The following KCNB2 variants were observed in gnomAD, a reference collection of about 807,000 sequenced individuals.
KCNB2 encodes delayed rectifier potassium channel protein.
KCNB2 carries 15 observed loss-of-function variants against 61.5 expected under a neutral mutation model. The ratio of observed to expected loss-of-function variants is 0.24; its 90% CI spans 0.16 to 0.38. KCNB2 has a LOEUF of 0.38. Among genes scored for constraint, KCNB2 ranks in the 10% least tolerant of loss-of-function variants. The pLI, the probability that KCNB2 is intolerant of heterozygous loss-of-function variation, is 1.00. For synonymous variants in KCNB2, 457 were observed against 446.0 expected, an observed-to-expected ratio of 1.02 and a Z score of -0.31; for missense variants, 828 against 1,125.2, an observed-to-expected ratio of 0.74 and a Z score of 3.78.
At chr8:72,599,684 T>C (rs2128982330) in intron 2 of KCNB2, among the ~76,000 whole-genome samples, 1 of 152,266 alleles carries the variant, frequency 6.6e-6, no homozygotes, top group East Asian at 1.9e-4. Flanking sequence ...AGAAAATTTT[T>C]GCAACCTCCT....
intron 2 of KCNB2, among the ~76,000 whole-genome samples, chr8:72,826,543 T>C (rs564099124): frequency 5.3e-5 from 8 of 152,220 alleles, no homozygotes; most frequent in South Asian, 2.1e-4. Flanking sequence ...TAAAAGGAAA[T>C]AGGTTTAAAT....
At chr8:72,755,966 C>T (rs1808283618) in intron 2 of KCNB2, among the ~76,000 whole-genome samples, 1 of 152,174 alleles carries the variant, frequency 6.6e-6, no homozygotes, top group Admixed American at 6.5e-5. Flanking sequence ...CTTGGGAAAG[C>T]TGGCTCCTGT....
At chr8:72,920,465 C>CTATATATATATATATATA (rs1261158124) in intron 2 of KCNB2, among the ~76,000 whole-genome samples, 2 of 71,102 alleles carry the variant, frequency 2.8e-5, no homozygotes, top group African/African-American at 5.9e-5. Context: ...ATCTATCTAT[C>CTATATATATATATATATA]TATCTATCTA....
chr8:72,823,958 C>T (rs1479308884), intron 2 of KCNB2, among the ~76,000 whole-genome samples: 1 of 152,098 alleles, frequency 6.6e-6, no homozygotes, highest in East Asian at 1.9e-4. Flanking sequence ...AGCTGGTATA[C>T]CCAACAAGCA....
chr8:72,759,460 T>G (rs1397718369), intron 2 of KCNB2, among the ~76,000 whole-genome samples: 1 of 152,134 alleles, frequency 6.6e-6, no homozygotes, highest in Non-Finnish European at 1.5e-5. Flanking sequence ...GAATTAAAAT[T>G]TGGTTCTCTG....
At chr8:72,725,592 T>C (rs1807631572) in intron 2 of KCNB2, among the ~76,000 whole-genome samples, 1 of 22,842 alleles carries the variant, frequency 4.4e-5, no homozygotes, top group Middle Eastern at 0.016. Context: ...TATATGTATG[T>C]ATATATATAT....
intron 2 of KCNB2, among the ~76,000 whole-genome samples, chr8:72,615,852 T>G (rs1030132689): frequency 1.3e-5 from 2 of 152,246 alleles, no homozygotes; most frequent in African/African-American, 4.8e-5. Context: ...AACAGATTCA[T>G]TCTCAGTAGA....
rs181878528 is a variant in KCNB2, at chr8:72,911,019, C to T, written c.580-24916C>T. ...AGAGGAGACTTCTTGAATACACCATCCAAGTATAATGTGTTTATTCTGTTC... is the reference window on the plus strand; with the variant it reads ...AGAGGAGACTTCTTGAATACACCATTCAAGTATAATGTGTTTATTCTGTTC... On this transcript the variant is annotated intron_variant, in intron 2 of 2. Transcript: ENST00000523207. Among the ~76,000 whole-genome samples, 13 of 152,208 alleles carry T rather than the reference C, an allele frequency of 8.5e-5. No individual in the cohort carries two copies. In the East Asian group the frequency reaches 2.5e-3, roughly 29 times the overall value.
intron 2 of KCNB2, among the ~76,000 whole-genome samples, chr8:72,721,264 G>T (rs185307750): frequency 6.6e-6 from 1 of 152,324 alleles, no homozygotes; most frequent in African/African-American, 2.4e-5. Flanking sequence ...CTCAAGCCCA[G>T]CCCACATACA....
intron 2 of KCNB2, among the ~76,000 whole-genome samples, chr8:72,860,991 A>G (rs146396943): frequency 3.6e-4 from 55 of 152,352 alleles, no homozygotes; most frequent in African/African-American, 1.2e-3. Context: ...TATAAAGCAT[A>G]CTGTAGCTTC....
At chr8:72,691,572 A>G (rs1469274108) in intron 2 of KCNB2, among the ~76,000 whole-genome samples, 1 of 152,230 alleles carries the variant, frequency 6.6e-6, no homozygotes, top group Non-Finnish European at 1.5e-5. Context: ...ACACATTGCA[A>G]CTACAAGTGT....
At chr8:72,556,095 C>G (rs1344342974) in intron 1 of KCNB2, among the ~76,000 whole-genome samples, 3 of 152,058 alleles carry the variant, frequency 2.0e-5, no homozygotes, top group Admixed American at 2.0e-4. Context: ...GTACAAGTCA[C>G]GTGAACTCAG....
intron 1 of KCNB2, among the ~76,000 whole-genome samples, chr8:72,553,400 T>C (rs1426444797): frequency 2.6e-5 from 4 of 151,924 alleles, no homozygotes; most frequent in African/African-American, 9.7e-5. Context: ...AAGGCAAAAA[T>C]CTGAAATATC....
intron 2 of KCNB2, among the ~76,000 whole-genome samples, chr8:72,734,067 CT>C (rs1455294107): frequency 6.6e-6 from 1 of 152,182 alleles, no homozygotes; most frequent in African/African-American, 2.4e-5. Context: ...TATTTATCAT[CT>C]GCAATCTGGA....
rs562579911 is a variant in KCNB2 at position 72,564,581 on chromosome 8, C to T, written c.-93-3061C>T. Among the ~76,000 whole-genome samples, 3 of 152,284 alleles carry T rather than the reference C, an allele frequency of 2.0e-5. No homozygotes were observed. In the South Asian group the frequency reaches 6.2e-4, roughly 32 times the overall value. On this transcript the variant is annotated intron_variant, in intron 1 of 2. Transcript: ENST00000523207. Reference sequence around the variant, plus strand: ...AGATTCATCACTGGAATTGCCCCATCTCTAATATTTTCGGCTGTTTTTGCC... The same window carrying T: ...AGATTCATCACTGGAATTGCCCCATTTCTAATATTTTCGGCTGTTTTTGCC...
chr8:72,662,322 G>T (rs1208730993), intron 2 of KCNB2, among the ~76,000 whole-genome samples: 1 of 152,124 alleles, frequency 6.6e-6, no homozygotes, highest in African/African-American at 2.4e-5. Context: ...GGGCACTGGG[G>T]AGCATGCTAC....
intron 1 of KCNB2, among the ~76,000 whole-genome samples, chr8:72,551,119 C>T (rs2128977318): frequency 6.6e-6 from 1 of 152,270 alleles, no homozygotes; most frequent in South Asian, 2.1e-4. Flanking sequence ...TACGCCATCA[C>T]CAAAGCACCA....
chr8:72,792,043 A>G (rs999498), intron 2 of KCNB2, among the ~76,000 whole-genome samples: 2,657 of 152,314 alleles, frequency 0.017, 95 homozygotes, highest in African/African-American at 0.061. Flanking sequence ...GTTCATGTTT[A>G]CTATAGCAAT....
intron 1 of KCNB2, among the ~76,000 whole-genome samples, chr8:72,552,828 A>G (rs1029603769): frequency 2.0e-5 from 3 of 152,156 alleles, no homozygotes; most frequent in Admixed American, 6.5e-5. Flanking sequence ...CTCTGTAAGT[A>G]TCTATGTCAT....
Sources: allele counts gnomAD v4.1 joint callset (sites outside exome capture counted in the v4.1 genomes callset), GRCh38; gene constraint gnomAD v4.1.1; transcripts MANE v1.5; gene names NCBI Gene and HGNC (gene_info 2026-07-23, HGNC 2026-07-21).